The following BCKDHB variants were observed in gnomAD, a reference collection of about 807,000 sequenced individuals.
BCKDHB encodes the protein branched chain keto acid dehydrogenase E1 subunit beta.
BCKDHB carries 41 observed loss-of-function variants against 48.5 expected under a neutral mutation model. The observed-to-expected ratio is 0.85, with a 90% CI of 0.66 to 1.10. BCKDHB has a LOEUF of 1.10. Among genes scored for constraint, BCKDHB ranks in the 50% least tolerant of loss-of-function variants. The pLI, the probability that BCKDHB is intolerant of heterozygous loss-of-function variation, is 0.00. For missense variants in BCKDHB, 496 were observed against 494.2 expected (o/e 1.00, Z -0.03); for synonymous variants, 201 against 174.8 (o/e 1.15, Z -1.18).
chr6:80,294,414 A>G (rs1212445845), intron 9 of BCKDHB, among the ~76,000 whole-genome samples: 1 of 152,158 alleles, frequency 6.6e-6, no homozygotes, highest in African/African-American at 2.4e-5. Context: ...GAACAGAATA[A>G]CAGTGACTTT....
intron 3 of BCKDHB, among the ~76,000 whole-genome samples, chr6:80,147,675 C>G (rs1401751027): frequency 6.6e-6 from 1 of 152,136 alleles, no homozygotes; most frequent in Non-Finnish European, 1.5e-5. Context: ...CCCTGGAATG[C>G]TTCTTAGATC....
At chr6:80,141,180 C>T (rs373164275) in intron 3 of BCKDHB, among the ~76,000 whole-genome samples, 7 of 151,658 alleles carry the variant, frequency 4.6e-5, no homozygotes, top group East Asian at 1.9e-4. Context: ...TGCGTCTATT[C>T]GATTCTTCTC....
At chr6:80,163,219 T>C (rs1264599310) in intron 3 of BCKDHB, among the ~76,000 whole-genome samples, 2 of 152,044 alleles carry the variant, frequency 1.3e-5, no homozygotes, top group African/African-American at 4.8e-5. Context: ...CTCTCTTTTA[T>C]AGCACCGTTT....
At chr6:80,427,888 T>A in the BCKDHB span, among the ~76,000 whole-genome samples, 1 of 152,266 alleles carries the variant, frequency 6.6e-6, no homozygotes, top group East Asian at 1.9e-4. Context: ...TCAATTTTTA[T>A]TTTTTATTAT....
chr6:80,445,026 T>C, the BCKDHB span, among the ~76,000 whole-genome samples: 1 of 152,216 alleles, frequency 6.6e-6, no homozygotes. Flanking sequence ...TAAAACAATC[T>C]TTTGAGTCTT....
the BCKDHB span, among the ~76,000 whole-genome samples, chr6:80,419,991 G>A: frequency 6.6e-6 from 1 of 151,826 alleles, no homozygotes; most frequent in Non-Finnish European, 1.5e-5. Context: ...TTTCTATTTG[G>A]TTCTTTTTTA....
chr6:80,169,284 C>G (rs1772770958), intron 5 of BCKDHB, among the ~76,000 whole-genome samples: 1 of 152,134 alleles, frequency 6.6e-6, no homozygotes, highest in Non-Finnish European at 1.5e-5. Context: ...TTATAGACTT[C>G]AAAGAATAAG....
intron 3 of BCKDHB, among the ~76,000 whole-genome samples, chr6:80,148,350 T>A (rs1458814092): frequency 6.6e-6 from 1 of 152,152 alleles, no homozygotes; most frequent in African/African-American, 2.4e-5. Flanking sequence ...TTCAGATCAG[T>A]GTAGAAACCT....
chr6:80,340,432 G>A (rs946344278), intron 9 of BCKDHB, among the ~76,000 whole-genome samples: 11 of 152,116 alleles, frequency 7.2e-5, no homozygotes, highest in Non-Finnish European at 1.3e-4. Flanking sequence ...ATTGTTCCAC[G>A]TGAACTGAGC....
chr6:80,415,213 G>A, the BCKDHB span, among the ~76,000 whole-genome samples: 1 of 152,154 alleles, frequency 6.6e-6, no homozygotes, highest in Non-Finnish European at 1.5e-5. Flanking sequence ...TGCAAACAGG[G>A]ATGGTTTGAC....
intron 3 of BCKDHB, among the ~76,000 whole-genome samples, chr6:80,135,044 A>G (rs1664965271): frequency 6.6e-6 from 1 of 152,080 alleles, no homozygotes; most frequent in Admixed American, 6.6e-5. Context: ...GAGCCACCAC[A>G]CTTGGCTGCT....
the BCKDHB span, among the ~76,000 whole-genome samples, chr6:80,424,994 A>G: frequency 6.6e-6 from 1 of 152,158 alleles, no homozygotes; most frequent in African/African-American, 2.4e-5. Flanking sequence ...GACTTATTAA[A>G]TTGTACTAAT....
chr6:80,462,239 A>G, the BCKDHB span, among the ~76,000 whole-genome samples: 41 of 152,288 alleles, frequency 2.7e-4, no homozygotes, highest in African/African-American at 9.6e-4. Context: ...AATATTTTCA[A>G]TGCCTATTTA....
intron 1 of BCKDHB, among the ~76,000 whole-genome samples, chr6:80,120,542 A>G (rs918133785): frequency 1.3e-5 from 2 of 151,804 alleles, no homozygotes; most frequent in Non-Finnish European, 2.9e-5. Flanking sequence ...TGACTTTTTA[A>G]TGATTGCCAT....
At chr6:80,335,202 T>G (rs961459269) in intron 9 of BCKDHB, among the ~76,000 whole-genome samples, 2 of 18,674 alleles carry the variant, frequency 1.1e-4, no homozygotes, top group East Asian at 0.01. Context: ...TTTGGTGGTG[T>G]TAAGACTGCT....
intron 6 of BCKDHB, among the ~76,000 whole-genome samples, chr6:80,200,422 C>T (rs951108050): frequency 1.3e-5 from 2 of 152,022 alleles, no homozygotes; most frequent in Non-Finnish European, 1.5e-5. Flanking sequence ...TTTTCCAAAC[C>T]CCCATAAATT....
At chr6:80,158,567 T>C (rs1167342633) in intron 3 of BCKDHB, among the ~76,000 whole-genome samples, 1 of 152,162 alleles carries the variant, frequency 6.6e-6, no homozygotes, top group Admixed American at 6.5e-5. Context: ...TAGAGGGAGA[T>C]GTCCAGAAGA....
At chr6:80,253,502 C>T (rs1188215913) in intron 8 of BCKDHB, among the ~76,000 whole-genome samples, 2 of 151,964 alleles carry the variant, frequency 1.3e-5, no homozygotes, top group African/African-American at 4.8e-5. Flanking sequence ...ATTCCTTGGT[C>T]AAGGGAATGT....
intron 8 of BCKDHB, among the ~76,000 whole-genome samples, chr6:80,258,513 A>C (rs1206182988): frequency 6.6e-6 from 1 of 152,276 alleles, no homozygotes; most frequent in Non-Finnish European, 1.5e-5. Context: ...TAAAGCAGCA[A>C]ACACTGGGTC....
Sources: gnomAD v4.1 joint callset for allele counts (sites outside exome capture counted in the v4.1 genomes callset) on GRCh38, gnomAD v4.1.1 for gene constraint, MANE v1.5 for transcripts, NCBI Gene and HGNC (gene_info 2026-07-23, HGNC 2026-07-21) for gene names.